Variants in GSAP observed in about 807,000 individuals in gnomAD.
GSAP encodes the protein gamma-secretase-activating protein.
GSAP carries 118 observed loss-of-function variants against 131.7 expected under a neutral mutation model. That is an observed-to-expected ratio of 0.90 (90% CI 0.77 to 1.04). The LOEUF is 1.04. Ranked by LOEUF, GSAP falls within the 50% of genes least tolerant of loss-of-function variation. The pLI is 0.00. For synonymous variants in GSAP, 381 were observed against 363.4 expected, an observed-to-expected ratio of 1.05 and a Z score of -0.55; for missense variants, 1,019 against 1,013.2, an observed-to-expected ratio of 1.01 and a Z score of -0.08.
chr7:77,328,676 G>A (rs1180526217), intron 21 of GSAP, 39 bp from the exon 22 acceptor site: 1 of 1,298,534 alleles, frequency 7.7e-7, no homozygotes, highest in South Asian at 1.2e-5. Flanking sequence ...AGACAGCATT[G>A]CTTTTAAAAA....
intron 4 of GSAP, 40 bp from the exon 5 acceptor site, chr7:77,397,075 A>T: frequency 7.5e-7 from 1 of 1,325,622 alleles, no homozygotes; most frequent in Non-Finnish European, 1.1e-6. Flanking sequence ...CAATTGATCC[A>T]TATGGTAGCT....
intron 8 of GSAP, among the ~76,000 whole-genome samples, chr7:77,378,026 C>A (rs926098655): frequency 2.3e-4 from 35 of 152,244 alleles, no homozygotes; most frequent in Admixed American, 2.2e-3. Flanking sequence ...ATAATCCTCA[C>A]CTGTTTTCCA....
intron 28 of GSAP, 85 bp downstream of exon 28, chr7:77,313,399 AAAGC>A: frequency 1.4e-6 from 1 of 708,972 alleles, no homozygotes; most frequent in Non-Finnish European, 2.5e-6. Context: ...ACTTTAACCC[AAAGC>A]AAGTAAATGC....
rs1795506521 is a variant in GSAP at position 77,367,583 on chromosome 7, C to T, written c.872-4923G>A. Reference sequence around the variant, plus strand: ...TGACTGTGGTAGATTAGCTTTTTGACATGTTATTGGATTTGGTTTCCATGT... The same window carrying T: ...TGACTGTGGTAGATTAGCTTTTTGATATGTTATTGGATTTGGTTTCCATGT... On this transcript the variant is annotated intron_variant, in intron 12 of 30. Coordinates refer to ENST00000257626, the MANE Select transcript of GSAP (RefSeq NM_017439.4). Among the ~76,000 whole-genome samples the T allele has an allele frequency of 2.6e-5, 4 of 152,244 alleles. No individual in the cohort carries two copies. In the South Asian group the frequency reaches 8.3e-4, roughly 32 times the overall value.
At chr7:77,355,061 A>G (rs1371030481) in intron 16 of GSAP, 152 bp downstream of exon 16, 6 of 600,406 alleles carry the variant, frequency 1.0e-5, no homozygotes, top group East Asian at 2.8e-5. Context: ...TCCATAAAAA[A>G]GCAGCGCAAA....
chr7:77,355,188 T>G, intron 16 of GSAP, 25 bp downstream of exon 16: 1 of 1,483,400 alleles, frequency 6.7e-7, no homozygotes, highest in Non-Finnish European at 9.4e-7. Context: ...ATCTGCCCAT[T>G]TTAAAACATG....
chr7:77,394,354 T>C (rs1800037569), intron 5 of GSAP, among the ~76,000 whole-genome samples: 2 of 152,158 alleles, frequency 1.3e-5, no homozygotes, highest in African/African-American at 4.8e-5. Flanking sequence ...CCAAGTATAG[T>C]CCTGTGATGA....
chr7:77,411,626 A>G (rs967437066), intron 1 of GSAP, among the ~76,000 whole-genome samples: 2 of 152,238 alleles, frequency 1.3e-5, no homozygotes, highest in Non-Finnish European at 2.9e-5. Flanking sequence ...AGATCTAAAT[A>G]AATAATGAGC....
At chr7:77,343,186 G>A (rs1267957484) in intron 19 of GSAP, among the ~76,000 whole-genome samples, 2 of 106,148 alleles carry the variant, frequency 1.9e-5, no homozygotes, top group African/African-American at 4.7e-5. Flanking sequence ...CAGCTGCCGC[G>A]CTTTAATACT....
chr7:77,344,015 TTTAC>T (rs1222041891), intron 19 of GSAP, among the ~76,000 whole-genome samples: 4 of 152,246 alleles, frequency 2.6e-5, no homozygotes, highest in African/African-American at 9.6e-5. Context: ...GCAAATTAAT[TTTAC>T]TCACATGCCC....
At chr7:77,385,025 T>C (rs1271790631) in intron 6 of GSAP, among the ~76,000 whole-genome samples, 1 of 151,744 alleles carries the variant, frequency 6.6e-6, no homozygotes, top group East Asian at 1.9e-4. Flanking sequence ...CTGTTCCATG[T>C]ACTTCTAACT....
intron 19 of GSAP, among the ~76,000 whole-genome samples, chr7:77,349,006 A>G (rs1792344626): frequency 6.6e-6 from 1 of 152,214 alleles, no homozygotes; most frequent in Non-Finnish European, 1.5e-5. Context: ...CAAATAAAGT[A>G]AAAGCAGCTA....
intron 1 of GSAP, among the ~76,000 whole-genome samples, chr7:77,409,605 A>T (rs1802908023): frequency 6.6e-6 from 1 of 152,234 alleles, no homozygotes; most frequent in Non-Finnish European, 1.5e-5. Flanking sequence ...AGAGAATTTC[A>T]GTGAGTTTGT....
chr7:77,311,322 A>T lies in GSAP; in HGVS notation c.*36T>A, dbSNP rs767507779. 2 of 1,182,294 alleles carry T rather than the reference A, an allele frequency of 1.7e-6. No homozygotes were observed. The highest frequency in any genetic ancestry group is 2.3e-5 in the East Asian group (1 of 42,874). The allele number at this position is 1,182,294 out of a possible 1,614,324, so 73.2% of individuals were successfully genotyped here. A position where few individuals can be genotyped will look rare whatever the true frequency, so the allele number is the denominator to read the frequency against. ...AGGAGTAAGGTTAATGAGCAAGATTAAAATGGCAGCAGCAGATCCAATTGC... is the reference window on the plus strand; with the variant it reads ...AGGAGTAAGGTTAATGAGCAAGATTTAAATGGCAGCAGCAGATCCAATTGC... On this transcript the variant is annotated 3_prime_UTR_variant, in exon 31 of 31. Coordinates refer to ENST00000257626, the MANE Select transcript of GSAP (RefSeq NM_017439.4).
chr7:77,362,067 T>G (rs1405268206), intron 13 of GSAP, among the ~76,000 whole-genome samples: 3 of 152,146 alleles, frequency 2.0e-5, no homozygotes, highest in Non-Finnish European at 4.4e-5. Flanking sequence ...TAGGCCAGGA[T>G]AAAAATATAT....
intron 2 of GSAP, among the ~76,000 whole-genome samples, chr7:77,405,533 T>A (rs1466207538): frequency 8.5e-5 from 13 of 152,064 alleles, no homozygotes; most frequent in African/African-American, 1.5e-4. Flanking sequence ...ATTTAATATT[T>A]AAAAAAATTT....
intron 28 of GSAP, among the ~76,000 whole-genome samples, chr7:77,312,561 T>C (rs560834957): frequency 2.0e-5 from 3 of 152,378 alleles, no homozygotes; most frequent in Non-Finnish European, 2.9e-5. Flanking sequence ...TCTGCCATTG[T>C]CTTGCCTAGA....
At chr7:77,392,059 T>C (rs1799634586) in intron 5 of GSAP, among the ~76,000 whole-genome samples, 1 of 151,618 alleles carries the variant, frequency 6.6e-6, no homozygotes, top group African/African-American at 2.4e-5. Context: ...ACCCCGTCTC[T>C]ACTAAAAATA....
chr7:77,352,418 G>T (rs1214000591), intron 18 of GSAP, among the ~76,000 whole-genome samples: 1 of 152,210 alleles, frequency 6.6e-6, no homozygotes, highest in Non-Finnish European at 1.5e-5. Context: ...TTTTAGCTCA[G>T]CACATCCTAA....
Sources: gnomAD v4.1 joint callset for allele counts (sites outside exome capture counted in the v4.1 genomes callset) on GRCh38, gnomAD v4.1.1 for gene constraint, MANE v1.5 for transcripts, NCBI Gene and HGNC (gene_info 2026-07-23, HGNC 2026-07-21) for gene names.